The following KCNMB2 variants were observed in gnomAD, a reference collection of about 807,000 sequenced individuals.
KCNMB2 encodes the protein potassium calcium-activated channel subfamily M regulatory beta subunit 2, also known as calcium-activated potassium channel subunit beta-2.
In KCNMB2, 9 loss-of-function variants were observed where a neutral mutation model predicts 24.5. That is an observed-to-expected ratio of 0.37 (90% CI 0.22 to 0.64). The LOEUF (loss-of-function observed/expected upper bound fraction) is 0.64. Among genes scored for constraint, KCNMB2 ranks in the 30% least tolerant of loss-of-function variants. KCNMB2 has a pLI of 0.63. For synonymous variants in KCNMB2, 109 were observed against 104.4 expected, an observed-to-expected ratio of 1.04 and a Z score of -0.27; for missense variants, 226 against 284.3, an observed-to-expected ratio of 0.79 and a Z score of 1.47.
At chr3:178,734,374 T>G (rs1273414290) in intron 1 of KCNMB2, among the ~76,000 whole-genome samples, 2 of 152,210 alleles carry the variant, frequency 1.3e-5, no homozygotes, top group Non-Finnish European at 2.9e-5. Flanking sequence ...AATTGTATCT[T>G]GTTTATTTTT....
intron 1 of KCNMB2, among the ~76,000 whole-genome samples, chr3:178,611,067 C>T (rs1600051): frequency 0.23 from 35,259 of 152,070 alleles, 4,453 homozygotes; most frequent in Middle Eastern, 0.38. Flanking sequence ...ATTTATTCTT[C>T]ATTCAATATT....
At chr3:178,803,982 T>C (rs1207422477) in intron 1 of KCNMB2, among the ~76,000 whole-genome samples, 1 of 152,184 alleles carries the variant, frequency 6.6e-6, no homozygotes, top group African/African-American at 2.4e-5. Flanking sequence ...ATCATACTCA[T>C]CTGCAGTTAC....
intron 2 of KCNMB2, among the ~76,000 whole-genome samples, chr3:178,813,342 T>C (rs971841362): frequency 1.3e-5 from 2 of 152,160 alleles, no homozygotes; most frequent in Non-Finnish European, 2.9e-5. Context: ...CATGATATCA[T>C]TTTGCAATTA....
At chr3:178,645,045 A>ATTTTTTTT (rs10576689) in intron 1 of KCNMB2, among the ~76,000 whole-genome samples, 1 of 92,438 alleles carries the variant, frequency 1.1e-5, no homozygotes, top group Non-Finnish European at 2.1e-5. Context: ...AAGATCCAAG[A>ATTTTTTTT]TTTTTTTTTT....
chr3:178,773,880 T>G (rs968699327), intron 1 of KCNMB2, among the ~76,000 whole-genome samples: 1 of 152,200 alleles, frequency 6.6e-6, no homozygotes, highest in Non-Finnish European at 1.5e-5. Flanking sequence ...GTTTTCTGCT[T>G]CAGTTACTGT....
At chr3:178,711,056 TATAA>T (rs1337209667) in intron 1 of KCNMB2, among the ~76,000 whole-genome samples, 6 of 152,298 alleles carry the variant, frequency 3.9e-5, no homozygotes, top group African/African-American at 1.4e-4. Context: ...TATCCGTTTA[TATAA>T]ATAGTTTATT....
intron 1 of KCNMB2, among the ~76,000 whole-genome samples, chr3:178,736,137 C>T (rs7615682): frequency 0.15 from 22,239 of 152,096 alleles, 1,771 homozygotes; most frequent in Middle Eastern, 0.23. Context: ...CTCCCCTGGA[C>T]GCTGAATAAA....
At chr3:178,565,952 G>A (rs1716502265) in intron 1 of KCNMB2, among the ~76,000 whole-genome samples, 1 of 152,136 alleles carries the variant, frequency 6.6e-6, no homozygotes, top group Non-Finnish European at 1.5e-5. Flanking sequence ...TCAGAAATAT[G>A]TCCAAAGTTC....
At chr3:178,715,750 G>A (rs1216144846) in intron 1 of KCNMB2, among the ~76,000 whole-genome samples, 1 of 152,184 alleles carries the variant, frequency 6.6e-6, no homozygotes, top group African/African-American at 2.4e-5. Flanking sequence ...TACTCTGTGT[G>A]TTTAGTTGAT....
At chr3:178,647,350 C>T (rs1386138255) in intron 1 of KCNMB2, among the ~76,000 whole-genome samples, 1 of 152,122 alleles carries the variant, frequency 6.6e-6, no homozygotes, top group Non-Finnish European at 1.5e-5. Context: ...TCTAGACATA[C>T]ACTATGGACA....
chr3:178,730,413 A>C (rs377436298), intron 1 of KCNMB2, among the ~76,000 whole-genome samples: 30,849 of 81,156 alleles, frequency 0.38, 4,103 homozygotes, highest in African/African-American at 0.48. Flanking sequence ...ACACCCCCCC[A>C]CACACACACA....
intron 1 of KCNMB2, among the ~76,000 whole-genome samples, chr3:178,564,906 G>T (rs540001921): frequency 1.3e-5 from 2 of 152,050 alleles, no homozygotes; most frequent in East Asian, 3.9e-4. Flanking sequence ...AATTTTGGAG[G>T]CAACCTAACA....
intron 4 of KCNMB2, among the ~76,000 whole-genome samples, chr3:178,835,930 A>G (rs1337232565): frequency 6.6e-6 from 1 of 152,140 alleles, no homozygotes; most frequent in African/African-American, 2.4e-5. Context: ...CCTATATATA[A>G]CATGCTACAT....
At chr3:178,551,580 CT>C (rs1286386793) in intron 1 of KCNMB2, among the ~76,000 whole-genome samples, 10 of 152,224 alleles carry the variant, frequency 6.6e-5, no homozygotes, top group African/African-American at 2.4e-5. Context: ...AAGGGGGCCA[CT>C]GCTAACAAGT....
At chr3:178,814,305 A>C (rs956849419) in intron 2 of KCNMB2, among the ~76,000 whole-genome samples, 6 of 152,136 alleles carry the variant, frequency 3.9e-5, no homozygotes, top group African/African-American at 1.4e-4. Context: ...TCCCGCTGCA[A>C]ATGACATGAT....
At chr3:178,818,666 A>G (rs923116277) in intron 2 of KCNMB2, among the ~76,000 whole-genome samples, 1 of 152,208 alleles carries the variant, frequency 6.6e-6, no homozygotes, top group Non-Finnish European at 1.5e-5. Context: ...GGGAGAGTTT[A>G]AGAATCAGTC....
chr3:178,797,349 A>G (rs1423512009), intron 1 of KCNMB2, among the ~76,000 whole-genome samples: 1 of 152,172 alleles, frequency 6.6e-6, no homozygotes, highest in African/African-American at 2.4e-5. Flanking sequence ...TATTCAAAAA[A>G]ATAGAGCAGT....
At chr3:178,564,642 T>C (rs1716453560) in intron 1 of KCNMB2, among the ~76,000 whole-genome samples, 1 of 152,148 alleles carries the variant, frequency 6.6e-6, no homozygotes, top group Admixed American at 6.5e-5. Flanking sequence ...AAAAAGGTAA[T>C]TTATTCCCAT....
intron 1 of KCNMB2, among the ~76,000 whole-genome samples, chr3:178,667,520 G>A (rs764689757): frequency 2.6e-4 from 39 of 152,110 alleles, no homozygotes; most frequent in African/African-American, 5.8e-4. Context: ...CTCTACAACC[G>A]TGAGAAATCA....
Sources: allele counts gnomAD v4.1 joint callset (sites outside exome capture counted in the v4.1 genomes callset), GRCh38; gene constraint gnomAD v4.1.1; transcripts MANE v1.5; gene names NCBI Gene and HGNC (gene_info 2026-07-23, HGNC 2026-07-21).